The following CNST variants were observed in gnomAD, a reference collection of about 807,000 sequenced individuals.
CNST encodes consortin, connexin sorting protein, also known as consortin.
In CNST, 39 loss-of-function variants were observed where a neutral mutation model predicts 72.4. That is an observed-to-expected ratio of 0.54 (90% CI 0.42 to 0.70). The LOEUF is 0.70. CNST is among the 30% of genes least tolerant of loss of function. The pLI, the probability that CNST is intolerant of heterozygous loss-of-function variation, is 0.00. For synonymous variants in CNST, 332 were observed against 320.1 expected, an observed-to-expected ratio of 1.04 and a Z score of -0.40; for missense variants, 871 against 868.5, an observed-to-expected ratio of 1.00 and a Z score of -0.04.
Position 246,642,040 on chromosome 1 carries a change from A to G in CNST, c.937+3A>G, listed in dbSNP as rs761842047. Reference sequence around the variant, plus strand: ...AGGAGCTACCACCAAAGAGTCAGGTATGTTTTTAACTTAAGCTATGGAGCA... The same window carrying G: ...AGGAGCTACCACCAAAGAGTCAGGTGTGTTTTTAACTTAAGCTATGGAGCA... On this transcript the variant is annotated splice_donor_region_variant and intron_variant, in intron 8 of 10. Transcript: ENST00000366513. The G allele has an allele frequency of 3.8e-6, 6 of 1,560,882 alleles. No homozygotes were observed. The highest frequency in any genetic ancestry group is 5.2e-6 in the Non-Finnish European group (6 of 1,143,668).
chr1:246,657,196 G>A (rs946978468), intron 9 of CNST, among the ~76,000 whole-genome samples: 6 of 152,000 alleles, frequency 3.9e-5, no homozygotes, highest in African/African-American at 1.2e-4. Context: ...TCTGAACTGC[G>A]CCCAAAACTC....
chr1:246,644,171 C>T (rs963224724), intron 8 of CNST, among the ~76,000 whole-genome samples: 3 of 152,146 alleles, frequency 2.0e-5, no homozygotes, highest in Admixed American at 1.3e-4. Flanking sequence ...GAGGCCGAGG[C>T]GGGCGGTTCA....
At position 246,591,508 on chromosome 1, in the gene CNST, G is replaced by A. The variant is rs1391458116; in HGVS notation, c.-51-4G>A. The A allele has an allele frequency of 6.3e-6, 10 of 1,584,822 alleles. No individual in the cohort carries two copies. Among genetic ancestry groups the A allele is most frequent in the Non-Finnish European group, 8.6e-6 (10 of 1,164,004 alleles). On this transcript the variant is annotated splice_polypyrimidine_tract_variant and splice_region_variant and intron_variant, in intron 1 of 10. Coordinates refer to ENST00000366513, the MANE Select transcript of CNST (RefSeq NM_152609.3). Reference sequence around the variant, plus strand: ...AAGTAGCTTTTTTCTTTTTGTCATTGTAGACATGGAAGGTCTTTAATGTAA... The same window carrying A: ...AAGTAGCTTTTTTCTTTTTGTCATTATAGACATGGAAGGTCTTTAATGTAA...
intron 1 of CNST, among the ~76,000 whole-genome samples, chr1:246,571,215 C>G (rs531763096): frequency 2.0e-4 from 30 of 152,318 alleles, no homozygotes; most frequent in African/African-American, 2.6e-4. Context: ...GGTACGAGAT[C>G]TCAGCTCACT....
chr1:246,657,345 A>G (rs1413787329), intron 9 of CNST, among the ~76,000 whole-genome samples: 2 of 152,170 alleles, frequency 1.3e-5, no homozygotes, highest in Non-Finnish European at 2.9e-5. Context: ...GACAGTTACA[A>G]CAGAAAGACC....
chr1:246,649,168 T>G (rs904816070), intron 9 of CNST, among the ~76,000 whole-genome samples: 16 of 151,864 alleles, frequency 1.1e-4, no homozygotes, highest in African/African-American at 3.4e-4. Flanking sequence ...TTTGTTTTTT[T>G]TTTTTTTTCG....
intron 2 of CNST, among the ~76,000 whole-genome samples, chr1:246,620,973 A>G (rs1664054293): frequency 6.6e-6 from 1 of 152,278 alleles, no homozygotes; most frequent in Admixed American, 6.5e-5. Flanking sequence ...CAGTCTAGCT[A>G]AAGGTATGCA....
chr1:246,633,889 T>A (rs778782301), intron 4 of CNST, 35 bp from the exon 5 acceptor site: 1 of 1,341,846 alleles, frequency 7.5e-7, no homozygotes, highest in Admixed American at 1.7e-5. Context: ...ATGTAAATAG[T>A]GTGGATTTCT....
At chr1:246,641,247 TA>T (rs1665671092) in intron 6 of CNST, among the ~76,000 whole-genome samples, 2 of 152,248 alleles carry the variant, frequency 1.3e-5, no homozygotes, top group Non-Finnish European at 1.5e-5. Context: ...TTGTGAATAT[TA>T]TGAATAAAGT....
chr1:246,568,055 C>CT (rs2102995758), intron 1 of CNST, among the ~76,000 whole-genome samples: 1 of 151,970 alleles, frequency 6.6e-6, no homozygotes, highest in African/African-American at 2.4e-5. Flanking sequence ...AATCCCAGCA[C>CT]TTTGGGAGGC....
chr1:246,666,106 T>C lies in CNST; in HGVS notation c.*201T>C, dbSNP rs1667380497. 1.8e-6 allele frequency: 1 copy of C among 560,396 alleles called. No homozygotes were observed. The allele number at this position is 560,396 out of a possible 1,614,324, so 34.7% of individuals were successfully genotyped here. A position where few individuals can be genotyped will look rare whatever the true frequency, so the allele number is the denominator to read the frequency against. Reference sequence around the variant, plus strand: ...AGTGAGGCAAATATCAATCTAAGCATTGTGGATGGAAGGAATGGTCTTTGG... The same window carrying C: ...AGTGAGGCAAATATCAATCTAAGCACTGTGGATGGAAGGAATGGTCTTTGG... On this transcript the variant is annotated 3_prime_UTR_variant, in exon 11 of 11. Transcript: ENST00000366513.
chr1:246,574,992 A>ATTTT (rs1202197961), intron 1 of CNST, among the ~76,000 whole-genome samples: 1 of 150,234 alleles, frequency 6.7e-6, no homozygotes, highest in African/African-American at 2.4e-5. Context: ...TTATTTATTT[A>ATTTT]TTTATTTATT....
Position 246,634,514 on chromosome 1 carries a change from C to A in CNST, c.745C>A (p.Leu249Ile). The change falls in exon 6 of 11, where the codon CTA (leucine) becomes ATA (isoleucine). Residue 249 changes from leucine to isoleucine, a missense_variant. Transcript: ENST00000366513. ...TGTGCAACCACATACAGTTACGGCT[C>A]TAAGGAATTCAGAAAAGGGATTTAA... The part of the protein sequence containing the change: ...KTVQPHTVTA[L>I]RNSEKGFNGE... 1.9e-6 allele frequency: 3 copies of A among 1,608,544 alleles called. No individual in the cohort carries two copies. The highest frequency in any genetic ancestry group is 2.5e-6 in the Non-Finnish European group (3 of 1,178,820).
chr1:246,617,186 A>G (rs1663765374), intron 2 of CNST, among the ~76,000 whole-genome samples: 1 of 152,230 alleles, frequency 6.6e-6, no homozygotes, highest in South Asian at 2.1e-4. Flanking sequence ...AATGCATGTT[A>G]CTAAGTGAAA....
chr1:246,581,538 C>T (rs1006146087), intron 1 of CNST, among the ~76,000 whole-genome samples: 23 of 152,246 alleles, frequency 1.5e-4, no homozygotes, highest in African/African-American at 5.3e-4. Flanking sequence ...GCTGGGATTC[C>T]AGGCGTGAGC....
chr1:246,621,654 A>T lies in CNST; in HGVS notation c.585+20A>T. The T allele has an allele frequency of 6.3e-7, 1 of 1,596,260 alleles. No homozygotes were observed. Among genetic ancestry groups the T allele is most frequent in the Non-Finnish European group, 8.6e-7 (1 of 1,163,860 alleles). On this transcript the variant is annotated intron_variant, in intron 3 of 10. Transcript: ENST00000366513. ...CATCAGGTACTCTGGTAAACCCTTCACTTTCAGCCTCACGAAAATTCCCCT... is the reference window on the plus strand; with the variant it reads ...CATCAGGTACTCTGGTAAACCCTTCTCTTTCAGCCTCACGAAAATTCCCCT...
At chr1:246,631,872 G>A (rs774218252) in intron 3 of CNST, 22 bp from the exon 4 acceptor site, 1 of 1,449,414 alleles carries the variant, frequency 6.9e-7, no homozygotes, top group Admixed American at 1.8e-5. Flanking sequence ...AATTTTCTCT[G>A]TGTTTTCTTT....
intron 9 of CNST, among the ~76,000 whole-genome samples, chr1:246,650,438 A>G (rs538582562): frequency 5.3e-5 from 8 of 152,228 alleles, no homozygotes; most frequent in Admixed American, 3.9e-4. Context: ...AATACTTACT[A>G]CCCTCGCTAT....
intron 2 of CNST, among the ~76,000 whole-genome samples, chr1:246,598,147 GA>G (rs1572148445): frequency 1.2e-5 from 1 of 85,604 alleles, no homozygotes; most frequent in East Asian, 4.8e-4. Flanking sequence ...GCGCTCAGCT[GA>G]ATTTTTTTTT....
Sources: gnomAD v4.1 joint callset for allele counts (sites outside exome capture counted in the v4.1 genomes callset) on GRCh38, gnomAD v4.1.1 for gene constraint, MANE v1.5 for transcripts, NCBI Gene and HGNC (gene_info 2026-07-23, HGNC 2026-07-21) for gene names.